MAP3K14: variants seen among roughly 807,000 people sequenced by gnomAD.
MAP3K14 encodes the protein mitogen-activated protein kinase kinase kinase 14, also known as NF-kappa-beta-inducing kinase.
Under a neutral mutation model 99.2 loss-of-function variants are expected in MAP3K14, and 16 were observed. The observed-to-expected ratio is 0.16, with a 90% CI of 0.11 to 0.24. MAP3K14 has a LOEUF of 0.24. Ranked by LOEUF, MAP3K14 falls within the 10% of genes least tolerant of loss-of-function variation. The pLI, the probability that MAP3K14 is intolerant of heterozygous loss-of-function variation, is 1.00. For missense variants in MAP3K14, 784 were observed against 1,208.7 expected (o/e 0.65, Z 5.21); for synonymous variants, 462 against 492.4 (o/e 0.94, Z 0.82).
At chr17:45,314,390 G>A (rs1259646707) in intron 1 of MAP3K14, among the ~76,000 whole-genome samples, 1 of 152,156 alleles carries the variant, frequency 6.6e-6, no homozygotes, top group African/African-American at 2.4e-5. Context: ...CCTGGTGTGT[G>A]GAGACCAGAG....
rs1428155711 is a variant in MAP3K14 at position 45,270,461 on chromosome 17, C to A, written c.1924G>T (p.Val642Leu). ...TTCCCTCCCAGCTCCGCTGCAGACA[C>A]GCGGTGGATGGGCTCTTTCCTCAGC... ...EGLRKEPIHRVSAAELGGKVN... is the reference protein window; with the variant it reads ...EGLRKEPIHRLSAAELGGKVN... Residue 642 changes from valine to leucine, a missense_variant, in exon 11 of 16, where the codon GTG becomes TTG. By Grantham distance (32) the Val-to-Leu change is conservative. This residue lies in a region of MAP3K14 where 200 missense variants were observed against 367.9 expected (regional missense o/e 0.54). Coordinates refer to ENST00000344686, the MANE Select transcript of MAP3K14 (RefSeq NM_003954.5). The A allele has an allele frequency of 6.2e-7, 1 of 1,612,144 alleles. No individual in the cohort carries two copies.
At chr17:45,311,436 C>T (rs983985168) in intron 1 of MAP3K14, among the ~76,000 whole-genome samples, 1 of 152,168 alleles carries the variant, frequency 6.6e-6, no homozygotes, top group Non-Finnish European at 1.5e-5. Flanking sequence ...TGACCATAAT[C>T]GGTCAAGTTC....
intron 1 of MAP3K14, among the ~76,000 whole-genome samples, chr17:45,297,977 C>G (rs1286728897): frequency 6.6e-6 from 1 of 152,124 alleles, no homozygotes; most frequent in Non-Finnish European, 1.5e-5. Context: ...CCTTGGCCTC[C>G]TAAAGTGCTG....
At chr17:45,296,356 C>G (rs2044346396) in intron 1 of MAP3K14, among the ~76,000 whole-genome samples, 1 of 151,926 alleles carries the variant, frequency 6.6e-6, no homozygotes, top group Non-Finnish European at 1.5e-5. Context: ...GAGACTTCAT[C>G]TCTACAAAAA....
chr17:45,310,224 T>C (rs776717496), intron 1 of MAP3K14, among the ~76,000 whole-genome samples: 3 of 151,804 alleles, frequency 2.0e-5, no homozygotes, highest in Non-Finnish European at 4.4e-5. Context: ...TTAGTAGAGA[T>C]GGGGTTTCAC....
At chr17:45,274,286 A>T in intron 7 of MAP3K14, 32 bp from the exon 8 acceptor site, 3 of 1,590,624 alleles carry the variant, frequency 1.9e-6, no homozygotes, top group Non-Finnish European at 2.6e-6. Flanking sequence ...TATACATGGG[A>T]CTTGCCCGAG....
At chr17:45,311,448 A>G (rs2044478287) in intron 1 of MAP3K14, among the ~76,000 whole-genome samples, 1 of 152,204 alleles carries the variant, frequency 6.6e-6, no homozygotes, top group South Asian at 2.1e-4. Context: ...GTCAAGTTCA[A>G]CACCAACTGC....
chr17:45,270,788 C>T, intron 10 of MAP3K14: 1 of 758,756 alleles, frequency 1.3e-6, no homozygotes, highest in East Asian at 2.7e-5. Context: ...CCACAGCCTC[C>T]AGGCCCGGCC....
rs1231564439 is a variant in MAP3K14 at position 45,290,754 on chromosome 17, C to T, written c.-9G>A. ...ATTTCCATCACTGCCATCTCCCAGG[C>T]TTGTGCTCATCCTGAGAGAGACCAA... On this transcript the variant is annotated 5_prime_UTR_variant, in exon 2 of 16. Coordinates refer to ENST00000344686, the MANE Select transcript of MAP3K14 (RefSeq NM_003954.5). 5 of 1,612,202 alleles carry T rather than the reference C, an allele frequency of 3.1e-6. No individual in the cohort carries two copies. The highest frequency in any genetic ancestry group is 4.2e-6 in the Non-Finnish European group (5 of 1,178,906).
chr17:45,293,116 G>A (rs911821115), intron 1 of MAP3K14, among the ~76,000 whole-genome samples: 18 of 152,222 alleles, frequency 1.2e-4, no homozygotes, highest in African/African-American at 4.3e-4. Flanking sequence ...CTGGCTGAAC[G>A]AGGGACTCAA....
rs764167663 is a variant in MAP3K14 at position 45,290,760 on chromosome 17, C to G, written c.-15G>C. The G allele has an allele frequency of 1.2e-6, 2 of 1,611,866 alleles. No individual in the cohort carries two copies. The highest frequency in any genetic ancestry group is 1.7e-6 in the Non-Finnish European group (2 of 1,178,682). ...ATCACTGCCATCTCCCAGGCTTGTGCTCATCCTGAGAGAGACCAAACACAG... is the reference window on the plus strand; with the variant it reads ...ATCACTGCCATCTCCCAGGCTTGTGGTCATCCTGAGAGAGACCAAACACAG... On this transcript the variant is annotated 5_prime_UTR_variant, in exon 2 of 16. Transcript: ENST00000344686.
At chr17:45,305,690 T>C (rs1050583770) in intron 1 of MAP3K14, among the ~76,000 whole-genome samples, 1 of 152,186 alleles carries the variant, frequency 6.6e-6, no homozygotes, top group Non-Finnish European at 1.5e-5. Flanking sequence ...ATGTGAGTCA[T>C]GGTCTATAAG....
chr17:45,279,225 G>T (rs1365437480), intron 6 of MAP3K14, among the ~76,000 whole-genome samples: 1 of 152,182 alleles, frequency 6.6e-6, no homozygotes, highest in African/African-American at 2.4e-5. Flanking sequence ...CGCCTCCTGG[G>T]TTCAAGCGAT....
intron 1 of MAP3K14, among the ~76,000 whole-genome samples, chr17:45,303,783 C>T (rs1455555082): frequency 1.3e-5 from 2 of 150,778 alleles, no homozygotes; most frequent in African/African-American, 2.4e-5. Flanking sequence ...GGGGTTTCAC[C>T]GTGTTAGCTA....
chr17:45,307,247 G>A (rs1019046472), intron 1 of MAP3K14, among the ~76,000 whole-genome samples: 7 of 151,620 alleles, frequency 4.6e-5, no homozygotes, highest in Non-Finnish European at 8.8e-5. Context: ...AACAGAGTGA[G>A]ACTCTGTCTC....
chr17:45,300,333 T>C (rs1198460946), intron 1 of MAP3K14, among the ~76,000 whole-genome samples: 2 of 152,024 alleles, frequency 1.3e-5, no homozygotes, highest in African/African-American at 4.8e-5. Flanking sequence ...CCTCCCACCC[T>C]GGCGCTGAGC....
chr17:45,310,140 TCTC>T lies in MAP3K14; in HGVS notation c.-21+6817_-21+6819del, dbSNP rs548850289. Among the ~76,000 whole-genome samples, 626 of 151,702 alleles carry T rather than the reference TCTC, an allele frequency of 4.1e-3. 6 individuals are homozygous for T. Among genetic ancestry groups the T allele is most frequent in the Middle Eastern group, 0.017 (5 of 294 alleles). ...CCTCCACCTCCCAGGTTCAAGTGAT[TCTC>T]CTACCCCAGCCTCCCGAGTAGCTGG... On this transcript the variant is annotated intron_variant, in intron 1 of 15. Coordinates refer to ENST00000344686, the MANE Select transcript of MAP3K14 (RefSeq NM_003954.5).
chr17:45,273,299 A>C (rs11079502), intron 9 of MAP3K14, among the ~76,000 whole-genome samples: 1 of 151,922 alleles, frequency 6.6e-6, no homozygotes, highest in African/African-American at 2.4e-5. Context: ...CCCTGTGTAC[A>C]GGAGCATCGA....
intron 6 of MAP3K14, among the ~76,000 whole-genome samples, chr17:45,279,770 G>GT (rs1392742121): frequency 6.6e-6 from 1 of 152,114 alleles, no homozygotes; most frequent in Admixed American, 6.5e-5. Context: ...AAAAAAAGGC[G>GT]TAAGAGCAAT....
Sources: gnomAD v4.1 joint callset for allele counts (sites outside exome capture counted in the v4.1 genomes callset) on GRCh38, gnomAD v4.1.1 for gene constraint, gnomAD v4.1.1 regional missense constraint, MANE v1.5 for transcripts, NCBI Gene and HGNC (gene_info 2026-07-23, HGNC 2026-07-21) for gene names.